PRKN: variants seen among roughly 807,000 people sequenced by gnomAD.
PRKN encodes parkin RBR E3 ubiquitin protein ligase.
In PRKN, 56 loss-of-function variants were observed where a neutral mutation model predicts 59.5. The ratio of observed to expected loss-of-function variants is 0.94; its 90% CI spans 0.76 to 1.18. The LOEUF is 1.18. PRKN is among the 50% of genes most tolerant of loss of function. The pLI is 0.00. For missense variants in PRKN, 657 were observed against 596.4 expected, an observed-to-expected ratio of 1.10 and a Z score of -1.06; for synonymous variants, 250 against 222.1, an observed-to-expected ratio of 1.13 and a Z score of -1.12.
At chr6:162,235,889 G>T (rs139381916) in intron 3 of PRKN, among the ~76,000 whole-genome samples, 1,669 of 145,052 alleles carry the variant, frequency 0.012, 57 homozygotes, top group African/African-American at 0.041. Context: ...GAGAGAGAAA[G>T]AAAGAAAGAA....
In PRKN at chr6:162,601,470, C is replaced by T. The variant is rs550839430; in HGVS notation, c.7+126192G>A. Among the ~76,000 whole-genome samples, 94 of 152,124 alleles carry T rather than the reference C, an allele frequency of 6.2e-4. 1 individual carries two copies. Among genetic ancestry groups the T allele is most frequent in the Admixed American group, 2.2e-3 (33 of 15,266 alleles). On this transcript the variant is annotated intron_variant, in intron 1 of 11. Transcript: ENST00000366898. ...TCCATTGTTGTGTGTATAATTAGTT[C>T]GTTCCTCTATCTTGCTGCTGATGGG...
intron 7 of PRKN, among the ~76,000 whole-genome samples, chr6:161,767,338 G>C (rs1048263826): frequency 1.4e-4 from 22 of 152,128 alleles, no homozygotes; most frequent in East Asian, 1.2e-3. Flanking sequence ...ACGGTGAAAC[G>C]CCATCTCTAC....
intron 5 of PRKN, among the ~76,000 whole-genome samples, chr6:162,049,713 A>C (rs550358128): frequency 6.6e-6 from 1 of 152,276 alleles, no homozygotes; most frequent in African/African-American, 2.4e-5. Flanking sequence ...ACATTGACTC[A>C]GTGATTTGAA....
intron 1 of PRKN, among the ~76,000 whole-genome samples, chr6:162,573,159 C>T (rs1780419033): frequency 6.6e-6 from 1 of 152,150 alleles, no homozygotes. Flanking sequence ...AGATTCCAAA[C>T]AGAAAATGAG....
rs1786822202 is a variant in PRKN, at chr6:161,397,611, A to G, written c.1084-10734T>C. 1.3e-5 allele frequency among the ~76,000 whole-genome samples: 2 copies of G among 152,174 alleles called. No individual in the cohort carries two copies. Among genetic ancestry groups the G allele is most frequent in the Non-Finnish European group, 2.9e-5 (2 of 68,042 alleles). On this transcript the variant is annotated intron_variant, in intron 9 of 11. Coordinates refer to ENST00000366898, the MANE Select transcript of PRKN (RefSeq NM_004562.3). The surrounding 1 kb of genome is among the most constrained non-coding windows in gnomAD (Gnocchi z 4.2). ...TTTGGATAGGTTGCAGTCACCTCAA[A>G]TTCAAGTCACTTCTAATTCCACGTG...
At chr6:161,403,537 A>C (rs907087220) in intron 9 of PRKN, among the ~76,000 whole-genome samples, 1 of 152,150 alleles carries the variant, frequency 6.6e-6, no homozygotes, top group Non-Finnish European at 1.5e-5. Context: ...TGTTGAGAGG[A>C]TGCTTCTCTC....
intron 1 of PRKN, among the ~76,000 whole-genome samples, chr6:162,625,649 ATGTG>A (rs969057289): frequency 6.6e-6 from 1 of 151,294 alleles, no homozygotes; most frequent in Non-Finnish European, 1.5e-5. Flanking sequence ...CACCATTTGC[ATGTG>A]TGTGTGTATA....
At chr6:162,284,215 C>CTTG (rs1781065497) in intron 2 of PRKN, among the ~76,000 whole-genome samples, 2 of 75,678 alleles carry the variant, frequency 2.6e-5, no homozygotes, top group Admixed American at 3.9e-4. Context: ...TTATTTCTTT[C>CTTG]TTTTTTTTTT....
At chr6:162,540,030 C>G (rs1778866578) in intron 1 of PRKN, among the ~76,000 whole-genome samples, 1 of 152,044 alleles carries the variant, frequency 6.6e-6, no homozygotes, top group East Asian at 1.9e-4. Context: ...GTTCTCCTAC[C>G]TCAACCTCCC....
intron 7 of PRKN, among the ~76,000 whole-genome samples, chr6:161,741,045 C>G (rs113421653): frequency 2.0e-5 from 3 of 152,274 alleles, no homozygotes; most frequent in Non-Finnish European, 2.9e-5. Context: ...CAGAATTAAC[C>G]CAAAGAAACA....
chr6:161,962,620 T>C (rs1339373294), intron 6 of PRKN, among the ~76,000 whole-genome samples: 3 of 146,492 alleles, frequency 2.0e-5, no homozygotes, highest in Non-Finnish European at 4.5e-5. Flanking sequence ...CACTGCAACC[T>C]CCACCTCCCA....
intron 6 of PRKN, among the ~76,000 whole-genome samples, chr6:161,896,113 A>G (rs1041435080): frequency 2.0e-5 from 3 of 152,144 alleles, no homozygotes; most frequent in Non-Finnish European, 4.4e-5. Flanking sequence ...TATGTGAGAG[A>G]AAATATAGCT....
intron 6 of PRKN, among the ~76,000 whole-genome samples, chr6:161,958,608 G>T (rs918609120): frequency 6.6e-6 from 1 of 151,670 alleles, no homozygotes; most frequent in South Asian, 2.1e-4. Context: ...GCCAGGTGCA[G>T]TGGCTCACAC....
chr6:161,351,415 C>T (rs1784547804), intron 11 of PRKN, among the ~76,000 whole-genome samples: 1 of 151,540 alleles, frequency 6.6e-6, no homozygotes, highest in South Asian at 2.1e-4. Context: ...ACCCCCACCT[C>T]CCAGGTTCAA....
At chr6:162,393,897 T>C (rs1017201817) in intron 2 of PRKN, among the ~76,000 whole-genome samples, 18 of 152,204 alleles carry the variant, frequency 1.2e-4, no homozygotes, top group Non-Finnish European at 7.3e-5. Context: ...AAATAAAATT[T>C]TGGTTGCTCA....
At chr6:161,893,133 AC>A (rs1257792178) in intron 6 of PRKN, among the ~76,000 whole-genome samples, 1 of 152,204 alleles carries the variant, frequency 6.6e-6, no homozygotes, top group Non-Finnish European at 1.5e-5. Flanking sequence ...GAGCCACCGC[AC>A]CCAGCCCATC....
At chr6:161,627,986 A>C (rs1038790744) in intron 7 of PRKN, among the ~76,000 whole-genome samples, 11 of 152,036 alleles carry the variant, frequency 7.2e-5, no homozygotes, top group African/African-American at 2.7e-4. Context: ...GCAGCTGCAA[A>C]ATCGGTATTA....
chr6:161,521,640 A>C (rs1250405702), intron 9 of PRKN, among the ~76,000 whole-genome samples: 2 of 152,214 alleles, frequency 1.3e-5, no homozygotes, highest in Non-Finnish European at 2.9e-5. Flanking sequence ...TTAAGATAGC[A>C]ACACTTTATT....
intron 4 of PRKN, among the ~76,000 whole-genome samples, chr6:162,059,086 A>G (rs1249687248): frequency 2.0e-5 from 3 of 151,946 alleles, no homozygotes; most frequent in Non-Finnish European, 4.4e-5. Context: ...TTTTCTGTGC[A>G]TATCACAGAT....
Sources: allele counts gnomAD v4.1 joint callset (sites outside exome capture counted in the v4.1 genomes callset), GRCh38; gene constraint gnomAD v4.1.1; non-coding constraint Gnocchi (gnomAD v3.1); transcripts MANE v1.5; gene names NCBI Gene and HGNC (gene_info 2026-07-23, HGNC 2026-07-21).